KCNIP4: variants seen among roughly 807,000 people sequenced by gnomAD.
KCNIP4 encodes Kv channel-interacting protein 4.
A neutral mutation model predicts 34.0 loss-of-function variants in KCNIP4; 12 were observed. The ratio of observed to expected loss-of-function variants is 0.35; its 90% CI spans 0.23 to 0.57. The LOEUF (loss-of-function observed/expected upper bound fraction) is 0.57. Ranked by LOEUF, KCNIP4 falls within the 20% of genes least tolerant of loss-of-function variation. The pLI, the probability that KCNIP4 is intolerant of heterozygous loss-of-function variation, is 0.83. For synonymous variants in KCNIP4, 124 were observed against 102.2 expected (o/e 1.21, Z -1.29); for missense variants, 238 against 311.7 (o/e 0.76, Z 1.78).
chr4:21,414,273 G>GA (rs1331154799), intron 1 of KCNIP4, among the ~76,000 whole-genome samples: 39 of 152,118 alleles, frequency 2.6e-4, no homozygotes, highest in Admixed American at 1.4e-3. Context: ...ATATCTTAGA[G>GA]AAAAAAAGTA....
chr4:21,636,378 G>A (rs968092948), intron 1 of KCNIP4, among the ~76,000 whole-genome samples: 2 of 151,336 alleles, frequency 1.3e-5, no homozygotes, highest in African/African-American at 2.4e-5. Flanking sequence ...GCCAAGAAAC[G>A]GAAAAGTAAT....
chr4:20,759,656 A>G (rs934781402), intron 3 of KCNIP4, among the ~76,000 whole-genome samples: 5 of 152,124 alleles, frequency 3.3e-5, no homozygotes, highest in African/African-American at 4.8e-5. Context: ...AAAAAAGAAA[A>G]AAAGAAACTT....
At chr4:21,305,319 A>T (rs967492793) in intron 1 of KCNIP4, among the ~76,000 whole-genome samples, 1 of 152,160 alleles carries the variant, frequency 6.6e-6, no homozygotes, top group Admixed American at 6.5e-5. Context: ...TAGCTGTGTG[A>T]CCTTAGGTAA....
At chr4:21,293,550 A>C (rs912719281) in intron 1 of KCNIP4, among the ~76,000 whole-genome samples, 1 of 152,202 alleles carries the variant, frequency 6.6e-6, no homozygotes, top group African/African-American at 2.4e-5. Flanking sequence ...CTAAATGGCC[A>C]CAGAGATAGG....
At position 21,885,710 on chromosome 4, in the gene KCNIP4, A is replaced by AT. The variant is rs1170809838; in HGVS notation, c.61+62860dup. 3.0e-4 allele frequency among the ~76,000 whole-genome samples: 46 copies of AT among 152,248 alleles called. 2 individuals are homozygous for AT. The highest frequency in any genetic ancestry group is 2.6e-3 in the Admixed American group (40 of 15,280). ...GTTTTGCTTTAAATGTCAGGACTAG[A>AT]TTTTCAGACGGAATAATTAAGAGGG... On this transcript the variant is annotated intron_variant, in intron 1 of 8. Transcript: ENST00000382152.
At chr4:21,450,460 T>C (rs1728425753) in intron 1 of KCNIP4, among the ~76,000 whole-genome samples, 1 of 152,176 alleles carries the variant, frequency 6.6e-6, no homozygotes, top group South Asian at 2.1e-4. Flanking sequence ...CAGAATACTT[T>C]AGACTTTCCG....
intron 1 of KCNIP4, among the ~76,000 whole-genome samples, chr4:21,122,102 T>A (rs1178473449): frequency 6.6e-6 from 1 of 152,140 alleles, no homozygotes; most frequent in Non-Finnish European, 1.5e-5. Context: ...TTACTAAAAA[T>A]TTCTCTTGTA....
chr4:21,182,374 T>C (rs1199688671), intron 1 of KCNIP4, among the ~76,000 whole-genome samples: 6 of 152,032 alleles, frequency 3.9e-5, no homozygotes, highest in Non-Finnish European at 5.9e-5. Context: ...GTCCAGACCA[T>C]ACATTTTCTT....
intron 1 of KCNIP4, among the ~76,000 whole-genome samples, chr4:21,525,866 T>G (rs1735929784): frequency 6.6e-6 from 1 of 152,198 alleles, no homozygotes; most frequent in African/African-American, 2.4e-5. Context: ...CTAATTTTTA[T>G]AATCATTAGT....
chr4:21,357,599 C>T (rs1310798769), intron 1 of KCNIP4, among the ~76,000 whole-genome samples: 1 of 152,074 alleles, frequency 6.6e-6, no homozygotes, highest in Non-Finnish European at 1.5e-5. Flanking sequence ...CAGACAAATG[C>T]AAATCAAAAC....
chr4:21,586,737 G>C (rs1253406471), intron 1 of KCNIP4, among the ~76,000 whole-genome samples: 9 of 151,984 alleles, frequency 5.9e-5, no homozygotes, highest in Admixed American at 5.9e-4. Flanking sequence ...AGTATGTTTA[G>C]CTTCCAAGTC....
intron 1 of KCNIP4, among the ~76,000 whole-genome samples, chr4:20,971,403 G>C (rs935496638): frequency 6.6e-6 from 1 of 152,084 alleles, no homozygotes; most frequent in Non-Finnish European, 1.5e-5. Flanking sequence ...CAGTAATACA[G>C]CCATACCTCA....
In KCNIP4 at chr4:21,589,269, CATATATGTATAGATACATAT is replaced by C. The variant is rs1326221664; in HGVS notation, c.61+359282_61+359301del. ...ATACATATATGTATCTATACAGATA[CATATATGTATAGATACATAT>C]ATATGTGTATAGATACATATATACA... On this transcript the variant is annotated intron_variant, in intron 1 of 8. Transcript: ENST00000382152. Among the ~76,000 whole-genome samples, 3 of 122,884 alleles carry C rather than the reference CATATATGTATAGATACATAT, an allele frequency of 2.4e-5. 1 individual carries two copies. Among genetic ancestry groups the C allele is most frequent in the Non-Finnish European group, 3.4e-5 (2 of 58,704 alleles). The allele number at this position is 122,884 out of a possible 152,430, so 80.6% of individuals were successfully genotyped here. A position where few individuals can be genotyped will look rare whatever the true frequency, so the allele number is the denominator to read the frequency against.
chr4:21,723,976 G>C (rs34945659), intron 1 of KCNIP4, among the ~76,000 whole-genome samples: 13 of 151,924 alleles, frequency 8.6e-5, no homozygotes, highest in Non-Finnish European at 1.9e-4. Flanking sequence ...ATAGCAGAGG[G>C]GGAGGAGCAA....
chr4:21,542,787 C>T (rs898931329), intron 1 of KCNIP4, among the ~76,000 whole-genome samples: 2 of 151,080 alleles, frequency 1.3e-5, no homozygotes, highest in Non-Finnish European at 1.5e-5. Context: ...AATGAAGAAG[C>T]TCTTGGATTC....
At chr4:20,945,689 C>CA (rs892005942) in intron 1 of KCNIP4, among the ~76,000 whole-genome samples, 10 of 149,632 alleles carry the variant, frequency 6.7e-5, no homozygotes, top group East Asian at 2.0e-4. Flanking sequence ...GACTGCTTGC[C>CA]AAAAAAAAAG....
At chr4:21,444,134 T>G (rs896150440) in intron 1 of KCNIP4, among the ~76,000 whole-genome samples, 2 of 152,108 alleles carry the variant, frequency 1.3e-5, no homozygotes, top group Admixed American at 1.3e-4. Context: ...CAATAATTAA[T>G]AGCTTACCAA....
At chr4:21,122,791 T>G (rs1392192942) in intron 1 of KCNIP4, among the ~76,000 whole-genome samples, 2 of 152,198 alleles carry the variant, frequency 1.3e-5, no homozygotes, top group African/African-American at 4.8e-5. Context: ...GACATTAGGA[T>G]GACAACTGAG....
intron 1 of KCNIP4, among the ~76,000 whole-genome samples, chr4:21,231,692 A>T (rs1758800307): frequency 6.6e-6 from 1 of 152,126 alleles, no homozygotes. Flanking sequence ...AAATGATAAA[A>T]ACTCTGTTTA....
Sources: gnomAD v4.1 joint callset for allele counts (sites outside exome capture counted in the v4.1 genomes callset) on GRCh38, gnomAD v4.1.1 for gene constraint, MANE v1.5 for transcripts, NCBI Gene and HGNC (gene_info 2026-07-23, HGNC 2026-07-21) for gene names.